The following CDKAL1 variants were observed in gnomAD, a reference collection of about 807,000 sequenced individuals.
The protein encoded by CDKAL1 is threonylcarbamoyladenosine tRNA methylthiotransferase.
CDKAL1 carries 32 observed loss-of-function variants against 68.2 expected under a neutral mutation model. The observed-to-expected ratio is 0.47, with a 90% confidence interval of 0.35 to 0.63. The LOEUF (loss-of-function observed/expected upper bound fraction) is 0.63. Among genes scored for constraint, CDKAL1 ranks in the 30% least tolerant of loss-of-function variants. The pLI, the probability that CDKAL1 is intolerant of heterozygous loss-of-function variation, is 0.00. For synonymous variants in CDKAL1, 234 were observed against 244.3 expected, an observed-to-expected ratio of 0.96 and a Z score of 0.39; for missense variants, 606 against 696.7, an observed-to-expected ratio of 0.87 and a Z score of 1.47.
intron 10 of CDKAL1, among the ~76,000 whole-genome samples, chr6:20,972,762 G>A (rs932761024): frequency 1.3e-5 from 2 of 152,166 alleles, no homozygotes; most frequent in South Asian, 2.1e-4. Flanking sequence ...AAGGAGAACT[G>A]AGCATTGTTG....
intron 13 of CDKAL1, among the ~76,000 whole-genome samples, chr6:21,139,421 A>G (rs1361042527): frequency 6.6e-6 from 1 of 152,250 alleles, no homozygotes; most frequent in Non-Finnish European, 1.5e-5. Flanking sequence ...CTGGTCATCA[A>G]CATGTCCCAG....
At chr6:20,954,595 G>A (rs1004172) in intron 9 of CDKAL1, among the ~76,000 whole-genome samples, 26,949 of 152,056 alleles carry the variant, frequency 0.18, 2,763 homozygotes, top group Admixed American at 0.26. Flanking sequence ...GAAAAGTTCT[G>A]TGTGCCATGA....
At chr6:20,675,866 T>C (rs1338584610) in intron 5 of CDKAL1, among the ~76,000 whole-genome samples, 1 of 152,094 alleles carries the variant, frequency 6.6e-6, no homozygotes, top group African/African-American at 2.4e-5. Context: ...GTCATTGTTA[T>C]CACAGGAAAT....
chr6:20,702,942 A>G (rs1771437229), intron 5 of CDKAL1, among the ~76,000 whole-genome samples: 1 of 152,160 alleles, frequency 6.6e-6, no homozygotes, highest in Non-Finnish European at 1.5e-5. Flanking sequence ...CCGTATCACT[A>G]GGGTCTGTGG....
At position 20,638,715 on chromosome 6, in the gene CDKAL1, G is replaced by A. The variant is rs570385287; in HGVS notation, c.287-10578G>A. 5.3e-5 allele frequency among the ~76,000 whole-genome samples: 8 copies of A among 150,936 alleles called. No homozygotes were observed. In the East Asian group the frequency reaches 1.6e-3, roughly 30 times the overall value. On this transcript the variant is annotated intron_variant, in intron 4 of 15. Coordinates refer to ENST00000274695, the MANE Select transcript of CDKAL1 (RefSeq NM_017774.3). The stretch of plus-strand genomic sequence containing the variant: ...CAACCTCCAACTCCCTGGTTCAAGC[G>A]ATTCTCCTCCCAAGTATCTGGGATT...
At position 21,230,832 on chromosome 6, in the gene CDKAL1, G is replaced by A. The variant is rs1206819937; in HGVS notation, c.1549-16G>A. The A allele has an allele frequency of 6.4e-7, 1 of 1,560,760 alleles. No homozygotes were observed. The highest frequency in any genetic ancestry group is 8.7e-7 in the Non-Finnish European group (1 of 1,148,436). On this transcript the variant is annotated splice_polypyrimidine_tract_variant and intron_variant, in intron 15 of 15. Coordinates refer to ENST00000274695, the MANE Select transcript of CDKAL1 (RefSeq NM_017774.3). Reference sequence around the variant, plus strand: ...GCATCTAAAAATAATTTTTTCCTCTGTTTCTCTCTTTATAGGACTTCAGAA... The same window carrying A: ...GCATCTAAAAATAATTTTTTCCTCTATTTCTCTCTTTATAGGACTTCAGAA...
intron 13 of CDKAL1, among the ~76,000 whole-genome samples, chr6:21,136,341 G>A (rs1377985267): frequency 1.3e-5 from 2 of 152,176 alleles, no homozygotes; most frequent in African/African-American, 4.8e-5. Flanking sequence ...AAGATTCTGT[G>A]TGGTCCCATG....
chr6:20,763,809 A>G (rs1774576457), intron 7 of CDKAL1, among the ~76,000 whole-genome samples: 3 of 152,240 alleles, frequency 2.0e-5, no homozygotes, highest in Non-Finnish European at 4.4e-5. Context: ...TTGTATCAAA[A>G]TGGCAAATTC....
intron 10 of CDKAL1, among the ~76,000 whole-genome samples, chr6:20,990,319 A>G (rs150344652): frequency 6.6e-6 from 1 of 152,340 alleles, no homozygotes; most frequent in African/African-American, 2.4e-5. Flanking sequence ...GTGTAATTAT[A>G]ACTGTTAGCA....
chr6:20,907,711 G>A (rs1252398105), intron 9 of CDKAL1, among the ~76,000 whole-genome samples: 2 of 152,122 alleles, frequency 1.3e-5, no homozygotes, highest in African/African-American at 2.4e-5. Context: ...GGGCCAATGG[G>A]GAGTTGGGGC....
rs540850374 is a variant in CDKAL1, at chr6:21,151,399, G to A, written c.1299+42936G>A. Among the ~76,000 whole-genome samples the A allele has an allele frequency of 9.5e-4, 144 of 152,304 alleles. 1 individual carries two copies. Among genetic ancestry groups the A allele is most frequent in the Non-Finnish European group, 1.7e-3 (119 of 68,022 alleles). ...AAGCAGTCGTGCATTCGCACAAAGGGTATTTGTTTAAAAGAATCTATTCTG... is the reference window on the plus strand; with the variant it reads ...AAGCAGTCGTGCATTCGCACAAAGGATATTTGTTTAAAAGAATCTATTCTG... On this transcript the variant is annotated intron_variant, in intron 13 of 15. Coordinates refer to ENST00000274695, the MANE Select transcript of CDKAL1 (RefSeq NM_017774.3).
intron 4 of CDKAL1, chr6:20,599,423 G>A (rs1488159128): frequency 2.2e-6 from 1 of 445,922 alleles, no homozygotes; most frequent in Admixed American, 2.4e-5. Context: ...AGTTCCTGGA[G>A]AAGACCTACT....
At chr6:20,683,511 A>G (rs1317216937) in intron 5 of CDKAL1, among the ~76,000 whole-genome samples, 1 of 152,242 alleles carries the variant, frequency 6.6e-6, no homozygotes, top group Non-Finnish European at 1.5e-5. Flanking sequence ...CGGAATTAAC[A>G]AAATGATTCT....
chr6:21,085,661 A>G (rs778828163), intron 12 of CDKAL1, among the ~76,000 whole-genome samples: 13 of 152,204 alleles, frequency 8.5e-5, no homozygotes, highest in Non-Finnish European at 1.9e-4. Context: ...CTAGTGAACA[A>G]TGAGAAAGAC....
At chr6:20,924,049 A>C (rs1763075469) in intron 9 of CDKAL1, among the ~76,000 whole-genome samples, 1 of 151,492 alleles carries the variant, frequency 6.6e-6, no homozygotes, top group Non-Finnish European at 1.5e-5. Context: ...GCGTGTCAAA[A>C]GCCAAGGCAG....
At chr6:20,850,656 T>C (rs1416276488) in intron 9 of CDKAL1, among the ~76,000 whole-genome samples, 1 of 152,080 alleles carries the variant, frequency 6.6e-6, no homozygotes, top group Non-Finnish European at 1.5e-5. Flanking sequence ...CAGGCTGGTC[T>C]TGAACTCCTG....
chr6:20,863,963 A>G (rs1460305800), intron 9 of CDKAL1, among the ~76,000 whole-genome samples: 3 of 152,212 alleles, frequency 2.0e-5, no homozygotes, highest in Non-Finnish European at 4.4e-5. Context: ...TTTTATAGTC[A>G]TACTGACTTG....
At chr6:20,784,246 C>A (rs1313017312) in intron 8 of CDKAL1, among the ~76,000 whole-genome samples, 1 of 150,818 alleles carries the variant, frequency 6.6e-6, no homozygotes, top group African/African-American at 2.4e-5. Flanking sequence ...TTGCATATAA[C>A]CCACTTACTT....
intron 9 of CDKAL1, among the ~76,000 whole-genome samples, chr6:20,922,152 T>C (rs767548716): frequency 6.6e-6 from 1 of 152,210 alleles, no homozygotes; most frequent in African/African-American, 2.4e-5. Context: ...TCAAACTTAT[T>C]TGAACCCCAT....
Sources: allele counts gnomAD v4.1 joint callset (sites outside exome capture counted in the v4.1 genomes callset), GRCh38; gene constraint gnomAD v4.1.1; transcripts MANE v1.5; gene names NCBI Gene and HGNC (gene_info 2026-07-23, HGNC 2026-07-21).